Variants in INA observed in about 807,000 individuals in gnomAD.
INA encodes the protein alpha-internexin.
Under a neutral mutation model 40.1 loss-of-function variants are expected in INA, and 35 were observed. That is an observed-to-expected ratio of 0.87 (90% confidence interval 0.67 to 1.16). The LOEUF (loss-of-function observed/expected upper bound fraction) is 1.16, where lower values mean the gene tolerates loss of function less well. Ranked by LOEUF, INA falls within the 50% of genes most tolerant of loss-of-function variation. INA has a pLI of 0.00. For missense variants in INA, 594 were observed against 686.7 expected (o/e 0.87, Z 1.51); for synonymous variants, 290 against 316.9 (o/e 0.92, Z 0.90).
chr10:103,287,650 G>A (rs1302969282), intron 2 of INA, among the ~76,000 whole-genome samples: 2 of 150,250 alleles, frequency 1.3e-5, no homozygotes, highest in Admixed American at 6.7e-5. Flanking sequence ...CAAGAGAATC[G>A]CTTGAACCTG....
At chr10:103,286,182 T>A (rs373518480) in intron 1 of INA, among the ~76,000 whole-genome samples, 6 of 151,672 alleles carry the variant, frequency 4.0e-5, no homozygotes, top group Non-Finnish European at 8.8e-5. Context: ...AAATCTTTTT[T>A]AACTAGCCAG....
rs1486195902 is a variant in INA at position 103,278,210 on chromosome 10, C to T, written c.999C>T (p.Asn333=). Residue 333 remains asparagine (N), a synonymous_variant, in exon 1 of 3, where the codon AAC becomes AAT. Transcript: ENST00000369849. This position sits in a 1 kb window ranked among gnomAD's most constrained non-coding sequence, Gnocchi z 4.9. ...AGATCGAGGGCCTGCGCGGGGCCAACGAGTCCTTGGAGAGGCAGATCCTGG... is the reference window on the plus strand; with the variant it reads ...AGATCGAGGGCCTGCGCGGGGCCAATGAGTCCTTGGAGAGGCAGATCCTGG... The part of the protein sequence containing the change: ...TIEIEGLRGA[N]ESLERQILEL... 1 of 1,601,832 alleles carries T rather than the reference C, an allele frequency of 6.2e-7. No homozygotes were observed. Among genetic ancestry groups the T allele is most frequent in the South Asian group, 1.1e-5 (1 of 89,590 alleles).
chr10:103,285,199 G>C (rs1308494016), intron 1 of INA, among the ~76,000 whole-genome samples: 1 of 152,092 alleles, frequency 6.6e-6, no homozygotes, highest in Non-Finnish European at 1.5e-5. Context: ...GGTCTGGCTG[G>C]TCTCGAACTC....
chr10:103,288,422 A>T lies in INA; in HGVS notation c.1253A>T (p.Asn418Ile). The T allele has an allele frequency of 6.2e-7, 1 of 1,613,576 alleles. No individual in the cohort carries two copies. The highest frequency in any genetic ancestry group is 1.1e-5 in the South Asian group (1 of 91,050). The change falls in exon 3 of 3, where the codon AAT (asparagine) becomes ATT (isoleucine). Residue 418 changes from asparagine to isoleucine, a missense_variant. Physicochemically the swap from Asn to Ile is moderately radical, Grantham distance 149 (BLOSUM62 -3). Around this residue, in one of 2 missense-constraint regions of INA, gnomAD observed 379 missense variants for 496.1 expected, o/e 0.76. Coordinates refer to ENST00000369849, the MANE Select transcript of INA (RefSeq NM_032727.4). ...AGTGGGTTAAGCATTTCGGGGCTGA[A>T]TCCACTTCCCAATCCAAGTTACCTG... is the stretch of plus-strand genomic sequence containing the variant. ...STSGLSISGL[N>I]PLPNPSYLLP...
At position 103,277,321 on chromosome 10, in the gene INA, GCTT is replaced by G; in HGVS notation, c.112_114del (p.Phe38del). The G allele has an allele frequency of 1.3e-6, 2 of 1,584,146 alleles. No individual in the cohort carries two copies. Among genetic ancestry groups the G allele is most frequent in the Non-Finnish European group, 1.7e-6 (2 of 1,170,802 alleles). On this transcript the variant is annotated inframe_deletion, in exon 1 of 3. Transcript: ENST00000369849. The surrounding 1 kb of genome is among the most constrained non-coding windows in gnomAD (Gnocchi z 5.6). ...CTCTCTGGGGCCGGCGGCGCGGGCG[GCTT>G]CCGCTCGCAGTCGCTGTCCCGCAGC... is the stretch of plus-strand genomic sequence containing the variant.
chr10:103,286,723 A>G (rs1337458298), intron 1 of INA, among the ~76,000 whole-genome samples: 4 of 152,036 alleles, frequency 2.6e-5, no homozygotes, highest in Admixed American at 2.6e-4. Context: ...CTCCATGTTC[A>G]GTTCAGAACT....
At chr10:103,281,418 T>C (rs1183956384) in intron 1 of INA, among the ~76,000 whole-genome samples, 1 of 152,146 alleles carries the variant, frequency 6.6e-6, no homozygotes, top group Admixed American at 6.5e-5. Context: ...GGCCCGGGAA[T>C]ATGCATTTTT....
At chr10:103,281,528 T>G (rs1476099677) in intron 1 of INA, among the ~76,000 whole-genome samples, 3 of 152,142 alleles carry the variant, frequency 2.0e-5, no homozygotes, top group Non-Finnish European at 4.4e-5. Context: ...ATACGTATAA[T>G]ACAGGATTTT....
At chr10:103,288,102 A>G (rs7342067) in intron 2 of INA, among the ~76,000 whole-genome samples, 3,007 of 152,284 alleles carry the variant, frequency 0.02, 78 homozygotes, top group African/African-American at 0.063. Flanking sequence ...CTCCTGGAAT[A>G]TATTTGTGAA....
intron 2 of INA, 122 bp downstream of exon 2, chr10:103,287,281 C>T: frequency 9.3e-7 from 1 of 1,070,392 alleles, no homozygotes; most frequent in Non-Finnish European, 1.3e-6. Flanking sequence ...GCATCACTGG[C>T]CCCTTTCAGG....
At position 103,286,747 on chromosome 10, in the gene INA, C is replaced by T. The variant is rs532927400; in HGVS notation, c.1066-288C>T. On this transcript the variant is annotated intron_variant, in intron 1 of 2. Transcript: ENST00000369849. ...CAGTTCAGAACTATATGCCGTGTGG[C>T]TATCCTGAAAAGGGCAGGTGTTCAC... Among the ~76,000 whole-genome samples the T allele has an allele frequency of 2.0e-5, 3 of 152,006 alleles. No homozygotes were observed. In the East Asian group the frequency reaches 5.8e-4, roughly 29 times the overall value.
At position 103,287,145 on chromosome 10, in the gene INA, G is replaced by T; in HGVS notation, c.1176G>T (p.Glu392Asp). Residue 392 changes from glutamate (E) to aspartate (D), a missense_variant, in exon 2 of 3, where the codon GAG (glutamate) becomes GAT (aspartate). Transcript: ENST00000369849. ...LLNVKMALDI[E>D]IAAYRKLLEG... Reference sequence around the variant, plus strand: ...ATGTCAAAATGGCTCTTGACATTGAGATAGCAGCTTACAGGTACTGCAAAG... The same window carrying T: ...ATGTCAAAATGGCTCTTGACATTGATATAGCAGCTTACAGGTACTGCAAAG... The T allele has an allele frequency of 6.2e-7, 1 of 1,613,580 alleles. No homozygotes were observed. Among genetic ancestry groups the T allele is most frequent in the East Asian group, 2.2e-5 (1 of 44,850 alleles).
chr10:103,288,278 A>G (rs2093091195), intron 2 of INA, 82 bp from the exon 3 acceptor site: 3 of 1,214,810 alleles, frequency 2.5e-6, no homozygotes, highest in South Asian at 1.5e-5. Flanking sequence ...AATCTCTCTC[A>G]AATGAATCAG....
At chr10:103,281,880 T>G (rs1185869049) in intron 1 of INA, among the ~76,000 whole-genome samples, 1 of 152,270 alleles carries the variant, frequency 6.6e-6, no homozygotes, top group South Asian at 2.1e-4. Flanking sequence ...TTGTCTTAGC[T>G]CCTCCAGGAG....
chr10:103,280,081 A>T, intron 1 of INA: 1 of 1,224,586 alleles, frequency 8.2e-7, no homozygotes, highest in South Asian at 1.4e-5. Flanking sequence ...CATTCTAAGA[A>T]GTAGTGACAG....
rs890794925 is a variant in INA, at chr10:103,289,737, C to T, written c.*1068C>T. On this transcript the variant is annotated 3_prime_UTR_variant, in exon 3 of 3. Coordinates refer to ENST00000369849, the MANE Select transcript of INA (RefSeq NM_032727.4). ...CCCACTAGCCTAGGTCATAAAGAGGCGTTGCTTTCACTCTCCTATGCCTTT... is the reference window on the plus strand; with the variant it reads ...CCCACTAGCCTAGGTCATAAAGAGGTGTTGCTTTCACTCTCCTATGCCTTT... 4.6e-5 allele frequency: 7 copies of T among 152,132 alleles called. No homozygotes were observed. The highest frequency in any genetic ancestry group is 9.7e-5 in the African/African-American group (4 of 41,410). The allele number at this position is 152,132 out of a possible 1,614,324, so 9.4% of individuals were successfully genotyped here.
intron 1 of INA, among the ~76,000 whole-genome samples, chr10:103,286,335 CAAAAAAAAAA>C (rs71019675): frequency 3.9e-5 from 2 of 51,702 alleles, no homozygotes; most frequent in South Asian, 7.3e-4. Context: ...GACCTTGTCT[CAAAAAAAAAA>C]AAAAAAAAAA....
chr10:103,282,645 T>C (rs1226744885), intron 1 of INA, among the ~76,000 whole-genome samples: 1 of 152,226 alleles, frequency 6.6e-6, no homozygotes, highest in Non-Finnish European at 1.5e-5. Flanking sequence ...ATTATTATCA[T>C]GACCCTTAAT....
intron 1 of INA, among the ~76,000 whole-genome samples, chr10:103,281,906 C>T (rs2093073533): frequency 6.6e-6 from 1 of 152,240 alleles, no homozygotes; most frequent in African/African-American, 2.4e-5. Context: ...CCAGCTGGAG[C>T]TGGGCGTGCC....
Sources: gnomAD v4.1 joint callset for allele counts (sites outside exome capture counted in the v4.1 genomes callset) on GRCh38, gnomAD v4.1.1 for gene constraint, gnomAD v4.1.1 regional missense constraint, Gnocchi (gnomAD v3.1) non-coding constraint, MANE v1.5 for transcripts, NCBI Gene and HGNC (gene_info 2026-07-23, HGNC 2026-07-21) for gene names.